COL24A1: variants seen among roughly 807,000 people sequenced by gnomAD.
COL24A1 encodes the protein collagen type XXIV alpha 1 chain.
Under a neutral mutation model 253.9 loss-of-function variants are expected in COL24A1, and 224 were observed. The observed-to-expected ratio is 0.88, with a 90% confidence interval of 0.79 to 0.99. The LOEUF (loss-of-function observed/expected upper bound fraction) is 0.99, where lower values mean the gene tolerates loss of function less well. Ranked by LOEUF, COL24A1 falls within the 50% of genes least tolerant of loss-of-function variation. The pLI is 0.00. For synonymous variants in COL24A1, 685 were observed against 673.7 expected (o/e 1.02, Z -0.26); for missense variants, 2,131 against 2,068.5 (o/e 1.03, Z -0.59).
intron 24 of COL24A1, among the ~76,000 whole-genome samples, chr1:85,960,083 T>C (rs567710948): frequency 6.0e-4 from 92 of 152,304 alleles, no homozygotes; most frequent in African/African-American, 2.1e-3. Flanking sequence ...CTTTTAGGAC[T>C]ACACAGATAC....
chr1:86,085,694 T>C (rs1337440460), intron 7 of COL24A1, among the ~76,000 whole-genome samples: 3 of 152,218 alleles, frequency 2.0e-5, no homozygotes, highest in Non-Finnish European at 4.4e-5. Context: ...TTACCTGTTT[T>C]TTGGCAAAAA....
At chr1:86,113,409 A>T (rs1705808192) in intron 4 of COL24A1, among the ~76,000 whole-genome samples, 1 of 152,230 alleles carries the variant, frequency 6.6e-6, no homozygotes, top group Non-Finnish European at 1.5e-5. Context: ...CCCTCTTAAG[A>T]CATAACATAT....
rs79668890 is a variant in COL24A1 at position 85,745,379 on chromosome 1, T to C, written c.4503+62A>G. On this transcript the variant is annotated intron_variant, in intron 56 of 59. Coordinates refer to ENST00000370571, the MANE Select transcript of COL24A1 (RefSeq NM_152890.7). ...ATGTCACATTTTGGCCTCCAAAAAT[T>C]TTCTCTGTTTAATTGGTATATTGAG... 5,282 of 1,246,632 alleles carry C rather than the reference T, an allele frequency of 4.2e-3. 198 individuals carry two copies. The African/African-American group carries it at 0.075, about 18-fold the overall frequency. 77.2% of individuals were successfully genotyped at this position (1,246,632 alleles called of 1,614,324 possible). A position where few individuals can be genotyped will look rare whatever the true frequency, so the allele number is the denominator to read the frequency against.
chr1:85,885,145 T>C (rs6700984), intron 32 of COL24A1, among the ~76,000 whole-genome samples: 3,358 of 152,174 alleles, frequency 0.022, 121 homozygotes, highest in African/African-American at 0.076. Flanking sequence ...TTTCTTGTTT[T>C]GAGGATGGGA....
intron 5 of COL24A1, among the ~76,000 whole-genome samples, chr1:86,105,600 G>T (rs1006147697): frequency 6.6e-6 from 1 of 152,086 alleles, no homozygotes; most frequent in African/African-American, 2.4e-5. Context: ...GTTCCCCTAG[G>T]GGAACAGTCT....
intron 32 of COL24A1, among the ~76,000 whole-genome samples, chr1:85,885,721 T>C (rs1682419658): frequency 6.6e-6 from 1 of 152,190 alleles, no homozygotes; most frequent in Admixed American, 6.5e-5. Flanking sequence ...GAAATGATTA[T>C]CCTTGGCTAA....
chr1:85,824,989 T>C (rs1674085039), intron 43 of COL24A1, among the ~76,000 whole-genome samples: 1 of 151,554 alleles, frequency 6.6e-6, no homozygotes, highest in Non-Finnish European at 1.5e-5. Flanking sequence ...TAGTTACATA[T>C]GTATACATGT....
At chr1:85,745,553 A>G in intron 55 of COL24A1, 47 bp from the exon 56 acceptor site, 1 of 1,356,370 alleles carries the variant, frequency 7.4e-7, no homozygotes, top group Non-Finnish European at 1.0e-6. Flanking sequence ...ATCAACACTG[A>G]GTGCCCTAAA....
At chr1:85,922,979 C>T (rs979365207) in intron 24 of COL24A1, among the ~76,000 whole-genome samples, 8 of 122,104 alleles carry the variant, frequency 6.6e-5, no homozygotes, top group African/African-American at 9.6e-5. Flanking sequence ...GAAGATCTAC[C>T]AAGCAAATGG....
intron 43 of COL24A1, among the ~76,000 whole-genome samples, chr1:85,829,013 T>A (rs1164978422): frequency 1.3e-5 from 2 of 152,180 alleles, no homozygotes; most frequent in African/African-American, 4.8e-5. Flanking sequence ...AGTTTCTTCC[T>A]AGTCTTGATG....
Position 86,126,162 on chromosome 1 carries a change from TGA to T in COL24A1, c.172_173del (p.Ser58IlefsTer27). 1 of 1,607,116 alleles carries T rather than the reference TGA, an allele frequency of 6.2e-7. No homozygotes were observed. Among genetic ancestry groups the T allele is most frequent in the Non-Finnish European group, 8.5e-7 (1 of 1,179,348 alleles). On this transcript the variant is annotated frameshift_variant, in exon 3 of 60. Coordinates refer to ENST00000370571, the MANE Select transcript of COL24A1 (RefSeq NM_152890.7). LOFTEE classifies it high-confidence loss of function. Reference protein sequence around the residue: ...LGLGGKDVRHSSPATAVPSAS... With the variant: ...LGLGGKDVRHXSPATAVPSAS... ...CTGATGGTACAGCAGTCGCTGGTGA[TGA>T]GTGTCTTACGTCTTTGCCTCCAAGG...
rs937180737 is a variant in COL24A1, at chr1:85,776,940, T to C, written c.4339-1231A>G. On this transcript the variant is annotated intron_variant, in intron 52 of 59. Transcript: ENST00000370571. ...AGGGTATTAACTTAAAAAAAACTTA[T>C]TTATTTATTTACTTATTTTTTTTTT... Among the ~76,000 whole-genome samples the C allele has an allele frequency of 2.0e-5, 3 of 151,050 alleles. No homozygotes were observed. In the Admixed American group the frequency reaches 2.0e-4, roughly 10 times the overall value.
At chr1:85,754,560 A>T (rs1266754151) in intron 55 of COL24A1, among the ~76,000 whole-genome samples, 1 of 149,934 alleles carries the variant, frequency 6.7e-6, no homozygotes, top group Non-Finnish European at 1.5e-5. Context: ...TAAAAAAAAA[A>T]AAAAAGAACT....
chr1:86,130,931 C>T (rs941009216), intron 2 of COL24A1, among the ~76,000 whole-genome samples: 58 of 151,936 alleles, frequency 3.8e-4, no homozygotes, highest in African/African-American at 1.4e-3. Flanking sequence ...GAAGTTTATC[C>T]TCTATTAGTT....
At chr1:85,948,761 A>C (rs1689598850) in intron 24 of COL24A1, among the ~76,000 whole-genome samples, 2 of 151,652 alleles carry the variant, frequency 1.3e-5, no homozygotes, top group Admixed American at 6.6e-5. Context: ...GCAGAGATAC[A>C]ACAAAAAAAG....
At chr1:85,855,995 T>A (rs1162819110) in intron 37 of COL24A1, among the ~76,000 whole-genome samples, 1 of 152,204 alleles carries the variant, frequency 6.6e-6, no homozygotes, top group South Asian at 2.1e-4. Context: ...GTGTTCATAA[T>A]AGTCTCTGAG....
At chr1:86,069,923 A>G (rs1270350236) in intron 7 of COL24A1, among the ~76,000 whole-genome samples, 2 of 152,194 alleles carry the variant, frequency 1.3e-5, no homozygotes, top group South Asian at 4.1e-4. Flanking sequence ...CCAAACACCA[A>G]TGAACATCTA....
chr1:86,081,534 A>G (rs1408101752), intron 7 of COL24A1, among the ~76,000 whole-genome samples: 1 of 152,138 alleles, frequency 6.6e-6, no homozygotes, highest in Non-Finnish European at 1.5e-5. Flanking sequence ...GTTAGCTAAT[A>G]CTTCTTTTGA....
intron 7 of COL24A1, among the ~76,000 whole-genome samples, chr1:86,085,346 A>G (rs758929744): frequency 1.2e-4 from 19 of 152,354 alleles, no homozygotes; most frequent in Admixed American, 2.0e-4. Context: ...ACACTGATTT[A>G]TAATTCTCAC....
Sources: allele counts gnomAD v4.1 joint callset (sites outside exome capture counted in the v4.1 genomes callset), GRCh38; gene constraint gnomAD v4.1.1; transcripts MANE v1.5; gene names NCBI Gene and HGNC (gene_info 2026-07-23, HGNC 2026-07-21).